The following SGSM1 variants were observed in gnomAD, a reference collection of about 807,000 sequenced individuals.
The protein encoded by SGSM1 is RUN and TBC1 domain containing 2.
A neutral mutation model predicts 133.8 loss-of-function variants in SGSM1; 73 were observed. That is an observed-to-expected ratio of 0.55 (90% CI 0.45 to 0.66). The LOEUF (loss-of-function observed/expected upper bound fraction) is 0.66. SGSM1 is among the 30% of genes least tolerant of loss of function. The pLI is 0.00. For missense variants in SGSM1, 1,213 were observed against 1,448.1 expected (o/e 0.84, Z 2.64); for synonymous variants, 563 against 573.0 (o/e 0.98, Z 0.25).
chr22:24,839,464 G>T (rs774038879), intron 2 of SGSM1, among the ~76,000 whole-genome samples: 41 of 152,108 alleles, frequency 2.7e-4, no homozygotes, highest in Non-Finnish European at 5.0e-4. Flanking sequence ...TAGTTTTTTT[G>T]TGACTGGCTT....
chr22:24,897,845 T>G, intron 18 of SGSM1, 127 bp from the exon 19 acceptor site: 1 of 787,760 alleles, frequency 1.3e-6, no homozygotes, highest in Non-Finnish European at 2.1e-6. Flanking sequence ...ACTGACTGTA[T>G]GGTATTCCAC....
rs776370305 is a variant in SGSM1 at position 24,898,364 on chromosome 22, C to T, written c.2415C>T (p.Ala805=). Residue 805 remains alanine, a synonymous_variant, in exon 19 of 25, where the codon GCC becomes GCT. Transcript: ENST00000400358. ...FMSITGSLDM[A]LPEKDDVVME... ...CCATCACGGGCAGCCTGGACATGGC[C>T]CTGCCTGAAAAGGACGATGTTGTGA... The T allele has an allele frequency of 1.2e-5, 19 of 1,613,626 alleles. No homozygotes were observed. Among genetic ancestry groups the T allele is most frequent in the Non-Finnish European group, 1.5e-5 (18 of 1,179,846 alleles).
chr22:24,920,043 C>G, intron 24 of SGSM1, 50 bp downstream of exon 24: 1 of 1,540,290 alleles, frequency 6.5e-7, no homozygotes, highest in Non-Finnish European at 8.8e-7. Context: ...TTCTGGAGGC[C>G]CCTTTTGGGC....
chr22:24,840,978 G>A (rs543222166), intron 2 of SGSM1, among the ~76,000 whole-genome samples: 21 of 152,106 alleles, frequency 1.4e-4, no homozygotes, highest in Non-Finnish European at 3.1e-4. Context: ...AGCCTCTCGA[G>A]TAGCTGGGAC....
intron 2 of SGSM1, among the ~76,000 whole-genome samples, chr22:24,843,191 T>C (rs554709862): frequency 6.6e-6 from 1 of 152,128 alleles, no homozygotes; most frequent in East Asian, 1.9e-4. Flanking sequence ...GGGTTAGAAA[T>C]GCTGCAGGCA....
At chr22:24,913,176 C>G (rs1008149882) in intron 22 of SGSM1, among the ~76,000 whole-genome samples, 2 of 151,612 alleles carry the variant, frequency 1.3e-5, no homozygotes, top group Non-Finnish European at 2.9e-5. Context: ...GCCTGTAGTC[C>G]CAGCTACTCT....
rs1417618464 is a variant in SGSM1, at chr22:24,895,295, A to T, written c.2022+4A>T. ...CGACTCCAGCAGCAGCACACAGGTG[A>T]CCTTGTGGAGGCCTCGCCCCCTCCC... On this transcript the variant is annotated splice_donor_region_variant and intron_variant, in intron 18 of 24. Coordinates refer to ENST00000400358, the MANE Select transcript of SGSM1 (RefSeq NM_001098497.3). 1.2e-6 allele frequency: 2 copies of T among 1,610,068 alleles called. No homozygotes were observed. Among genetic ancestry groups the T allele is most frequent in the South Asian group, 2.2e-5 (2 of 89,908 alleles).
intron 3 of SGSM1, among the ~76,000 whole-genome samples, chr22:24,847,029 G>T (rs1930189382): frequency 1.3e-5 from 2 of 151,768 alleles, no homozygotes; most frequent in Admixed American, 6.6e-5. Context: ...TTTAGTAGAG[G>T]CGGGGTTTCA....
intron 21 of SGSM1, among the ~76,000 whole-genome samples, chr22:24,908,964 C>G (rs1933516801): frequency 6.6e-6 from 1 of 152,212 alleles, no homozygotes; most frequent in South Asian, 2.1e-4. Context: ...GTGCCACAGA[C>G]AGGAACCTTG....
rs528623013 is a variant in SGSM1, at chr22:24,850,351, C to G, written c.374C>G (p.Ala125Gly). The G allele has an allele frequency of 5.0e-6, 8 of 1,613,932 alleles. No homozygotes were observed. The highest frequency in any genetic ancestry group is 2.2e-5 in the South Asian group (2 of 91,052). Residue 125 changes from alanine to glycine, a missense_variant, in exon 5 of 25, where the codon GCC (alanine) becomes GGC (glycine). Physicochemically the swap from Ala to Gly is moderately conservative, Grantham distance 60. Transcript: ENST00000400358. ...AAGCTGCCCAACTTGTCCCCACTTG[C>G]CATCAAGCATCTGTGGATTCGCACA... is the stretch of plus-strand genomic sequence containing the variant. ...LPKLPNLSPL[A>G]IKHLWIRTAL...
chr22:24,844,726 C>T (rs1929995349), intron 2 of SGSM1, 171 bp from the exon 3 acceptor site: 4 of 585,612 alleles, frequency 6.8e-6, no homozygotes, highest in South Asian at 2.1e-5. Context: ...CTGTGACAGG[C>T]CTCAGACCTC....
intron 2 of SGSM1, among the ~76,000 whole-genome samples, chr22:24,841,525 C>G (rs1299329255): frequency 6.6e-6 from 1 of 152,148 alleles, no homozygotes; most frequent in Non-Finnish European, 1.5e-5. Context: ...GATATTCTGT[C>G]TGGTTGTTCT....
chr22:24,914,987 GGGAGGCT>G (rs1204964670), intron 22 of SGSM1, among the ~76,000 whole-genome samples: 1 of 152,180 alleles, frequency 6.6e-6, no homozygotes, highest in Non-Finnish European at 1.5e-5. Context: ...CCAGCACTTT[GGGAGGCT>G]GAGGCGGGCG....
At position 24,924,445 on chromosome 22, in the gene SGSM1, G is replaced by A; in HGVS notation, c.*171G>A. 1.6e-6 allele frequency: 1 copy of A among 610,856 alleles called. No homozygotes were observed. Among genetic ancestry groups the A allele is most frequent in the Non-Finnish European group, 2.9e-6 (1 of 341,488 alleles). The allele number at this position is 610,856 out of a possible 1,614,324, so 37.8% of individuals were successfully genotyped here. A position where few individuals can be genotyped will look rare whatever the true frequency, so the allele number is the denominator to read the frequency against. On this transcript the variant is annotated 3_prime_UTR_variant, in exon 25 of 25. Transcript: ENST00000400358. ...TGACTTTTACTTCTGGGCAGATGGG[G>A]TGGAGGGAGTACCCCTTCAATTCAG...
intron 16 of SGSM1, among the ~76,000 whole-genome samples, chr22:24,889,848 A>G (rs887379783): frequency 2.8e-5 from 4 of 144,552 alleles, no homozygotes; most frequent in African/African-American, 1.0e-4. Flanking sequence ...ACGAGGTTTC[A>G]CCGTGTTGGC....
intron 5 of SGSM1, among the ~76,000 whole-genome samples, chr22:24,851,780 G>T (rs1930498811): frequency 6.6e-6 from 1 of 152,206 alleles, no homozygotes; most frequent in African/African-American, 2.4e-5. Flanking sequence ...TCCATTTGAA[G>T]AGCATGGAGG....
intron 16 of SGSM1, among the ~76,000 whole-genome samples, chr22:24,892,884 TAA>T (rs71320793): frequency 2.1e-4 from 25 of 118,654 alleles, no homozygotes; most frequent in Non-Finnish European, 2.0e-4. Flanking sequence ...CCGTCTCTAC[TAA>T]AAAAAAAAAA....
intron 16 of SGSM1, 121 bp from the exon 17 acceptor site, chr22:24,893,310 C>T (rs1932845845): frequency 9.5e-7 from 1 of 1,048,028 alleles, no homozygotes; most frequent in African/African-American, 1.6e-5. Flanking sequence ...CAGTTAATAT[C>T]TGCTGGATGT....
chr22:24,849,015 G>T lies in SGSM1; in HGVS notation c.302+1219G>T, dbSNP rs549354881. Reference sequence around the variant, plus strand: ...AGGTGTTTGCAGATAACTTCTTAAAGGATTAGATTTGTCATGGGCCTTCCA... The same window carrying T: ...AGGTGTTTGCAGATAACTTCTTAAATGATTAGATTTGTCATGGGCCTTCCA... On this transcript the variant is annotated intron_variant, in intron 4 of 24. Coordinates refer to ENST00000400358, the MANE Select transcript of SGSM1 (RefSeq NM_001098497.3). 2.6e-5 allele frequency among the ~76,000 whole-genome samples: 4 copies of T among 152,330 alleles called. No homozygotes were observed. The South Asian group carries it at 6.2e-4, about 24-fold the overall frequency.
Sources: allele counts gnomAD v4.1 joint callset (sites outside exome capture counted in the v4.1 genomes callset), GRCh38; gene constraint gnomAD v4.1.1; transcripts MANE v1.5; gene names NCBI Gene and HGNC (gene_info 2026-07-23, HGNC 2026-07-21).